The following IQCM variants were observed in gnomAD, a reference collection of about 807,000 sequenced individuals.
The protein encoded by IQCM is IQ domain-containing protein M.
In IQCM, 45 loss-of-function variants were observed where a neutral mutation model predicts 57.6. The observed-to-expected ratio is 0.78, with a 90% CI of 0.62 to 1.00. The LOEUF is 1.00. Ranked by LOEUF, IQCM falls within the 50% of genes least tolerant of loss-of-function variation. IQCM has a pLI of 0.00. For missense variants in IQCM, 468 were observed against 511.6 expected, an observed-to-expected ratio of 0.91 and a Z score of 0.82; for synonymous variants, 148 against 158.9, an observed-to-expected ratio of 0.93 and a Z score of 0.51.
chr4:149,519,963 C>T (rs910867048), intron 12 of IQCM, among the ~76,000 whole-genome samples: 1 of 152,242 alleles, frequency 6.6e-6, no homozygotes, highest in East Asian at 1.9e-4. Flanking sequence ...TGAGATCACG[C>T]CACTGCACTC....
chr4:149,789,746 CA>C (rs1199333835), intron 2 of IQCM, among the ~76,000 whole-genome samples: 1 of 150,528 alleles, frequency 6.6e-6, no homozygotes, highest in African/African-American at 2.4e-5. Context: ...ACTAATAATA[CA>C]AAAAAATTGC....
At chr4:149,626,150 C>T (rs1447949573) in intron 7 of IQCM, among the ~76,000 whole-genome samples, 2 of 151,758 alleles carry the variant, frequency 1.3e-5, no homozygotes, top group Admixed American at 1.3e-4. Flanking sequence ...TGGGTGGGCA[C>T]AGTCTAATCA....
intron 8 of IQCM, among the ~76,000 whole-genome samples, chr4:149,614,471 A>T (rs187899378): frequency 6.6e-6 from 1 of 152,142 alleles, no homozygotes; most frequent in East Asian, 1.9e-4. Flanking sequence ...AGTCTCTGAG[A>T]TGAATCCTGT....
intron 9 of IQCM, among the ~76,000 whole-genome samples, chr4:149,573,641 A>G (rs1186916721): frequency 6.6e-6 from 1 of 151,722 alleles, no homozygotes; most frequent in South Asian, 2.1e-4. Context: ...ACTCTTCAAA[A>G]TAGTATTGTT....
At chr4:149,665,730 T>C (rs1760663463) in intron 7 of IQCM, among the ~76,000 whole-genome samples, 4 of 152,096 alleles carry the variant, frequency 2.6e-5, no homozygotes, top group Admixed American at 2.6e-4. Context: ...AATAATTTCA[T>C]ATGGAACTGT....
At chr4:149,759,216 A>G (rs1368766504) in intron 2 of IQCM, among the ~76,000 whole-genome samples, 1 of 152,224 alleles carries the variant, frequency 6.6e-6, no homozygotes, top group Non-Finnish European at 1.5e-5. Flanking sequence ...AAAAAGCATA[A>G]CTATTCAGAC....
At chr4:149,610,314 C>T in intron 8 of IQCM, among the ~76,000 whole-genome samples, 1 of 152,032 alleles carries the variant, frequency 6.6e-6, no homozygotes, top group South Asian at 2.1e-4. Flanking sequence ...AAGCAATCTA[C>T]AAATTCAGTG....
chr4:149,358,817 G>A (rs1277351097), intron 13 of IQCM, among the ~76,000 whole-genome samples: 2 of 81,512 alleles, frequency 2.5e-5, no homozygotes, highest in Admixed American at 1.1e-4. Context: ...ACCCAAAAGA[G>A]GGAGTGTATC....
intron 2 of IQCM, among the ~76,000 whole-genome samples, chr4:149,782,520 C>A (rs149820368): frequency 3.3e-5 from 5 of 150,344 alleles, no homozygotes; most frequent in African/African-American, 9.8e-5. Context: ...TGAGGTGGGA[C>A]GATTGCTTGA....
chr4:149,780,075 T>C (rs1402237848), intron 2 of IQCM, among the ~76,000 whole-genome samples: 1 of 152,114 alleles, frequency 6.6e-6, no homozygotes, highest in African/African-American at 2.4e-5. Flanking sequence ...GAGATATTTG[T>C]TCGATTTAAG....
At chr4:149,617,387 C>A (rs1374289601) in intron 8 of IQCM, among the ~76,000 whole-genome samples, 1 of 152,118 alleles carries the variant, frequency 6.6e-6, no homozygotes, top group Non-Finnish European at 1.5e-5. Context: ...ATTTAGACTT[C>A]CAGTGGTGAA....
At chr4:149,511,870 C>T (rs1441865032) in intron 12 of IQCM, among the ~76,000 whole-genome samples, 1 of 152,064 alleles carries the variant, frequency 6.6e-6, no homozygotes, top group African/African-American at 2.4e-5. Context: ...CTGCAGTAGC[C>T]CTCAAAAACC....
intron 12 of IQCM, among the ~76,000 whole-genome samples, chr4:149,442,991 G>C (rs1024348726): frequency 7.3e-6 from 1 of 136,752 alleles, no homozygotes; most frequent in Non-Finnish European, 1.6e-5. Context: ...GAGAGAGAGA[G>C]AGAAAGGAAT....
intron 7 of IQCM, among the ~76,000 whole-genome samples, chr4:149,681,683 A>G (rs1433820914): frequency 6.6e-6 from 1 of 151,150 alleles, no homozygotes; most frequent in East Asian, 1.9e-4. Flanking sequence ...AAAGCGGGAA[A>G]ACTAAAAAAT....
At chr4:149,381,427 C>T (rs2111034483) in intron 13 of IQCM, among the ~76,000 whole-genome samples, 1 of 152,226 alleles carries the variant, frequency 6.6e-6, no homozygotes, top group Admixed American at 6.6e-5. Flanking sequence ...TCTCCTCTTT[C>T]ACTGTCTAAC....
At chr4:149,436,243 T>C (rs767280335) in intron 12 of IQCM, among the ~76,000 whole-genome samples, 1 of 152,148 alleles carries the variant, frequency 6.6e-6, no homozygotes, top group Non-Finnish European at 1.5e-5. Flanking sequence ...TACCACTGTG[T>C]TACAATTATT....
intron 2 of IQCM, among the ~76,000 whole-genome samples, chr4:149,773,588 T>C (rs529193940): frequency 6.6e-6 from 1 of 152,294 alleles, no homozygotes; most frequent in Admixed American, 6.5e-5. Flanking sequence ...TCCACATTTC[T>C]CACATTTCTT....
At chr4:149,459,802 T>C (rs1738081357) in intron 12 of IQCM, among the ~76,000 whole-genome samples, 1 of 152,234 alleles carries the variant, frequency 6.6e-6, no homozygotes, top group African/African-American at 2.4e-5. Flanking sequence ...TCCCATTATA[T>C]GTATATACCA....
intron 12 of IQCM, among the ~76,000 whole-genome samples, chr4:149,452,317 A>G (rs1181297465): frequency 1.3e-5 from 2 of 151,516 alleles, no homozygotes; most frequent in African/African-American, 2.4e-5. Flanking sequence ...TTCTAACACA[A>G]TTATTTGTAG....
Sources: allele counts gnomAD v4.1 joint callset (sites outside exome capture counted in the v4.1 genomes callset), GRCh38; gene constraint gnomAD v4.1.1; transcripts MANE v1.5; gene names NCBI Gene and HGNC (gene_info 2026-07-23, HGNC 2026-07-21).